The following STXBP5L variants were observed in gnomAD, a reference collection of about 807,000 sequenced individuals.
STXBP5L encodes the protein syntaxin-binding protein 5-like.
Under a neutral mutation model 144.5 loss-of-function variants are expected in STXBP5L, and 65 were observed. That is an observed-to-expected ratio of 0.45 (90% CI 0.37 to 0.55). The LOEUF (loss-of-function observed/expected upper bound fraction) is 0.55. Among genes scored for constraint, STXBP5L ranks in the 20% least tolerant of loss-of-function variants. The pLI, the probability that STXBP5L is intolerant of heterozygous loss-of-function variation, is 0.00. For missense variants in STXBP5L, 1,298 were observed against 1,405.5 expected, an observed-to-expected ratio of 0.92 and a Z score of 1.22; for synonymous variants, 505 against 469.6, an observed-to-expected ratio of 1.08 and a Z score of -0.97.
chr3:121,040,216 A>G lies in STXBP5L; in HGVS notation c.288-1484A>G, dbSNP rs1947053751. On this transcript the variant is annotated intron_variant, in intron 3 of 26. Transcript: ENST00000471454. ...GAGTGCTAAAGGTTTTCGTATTTCT[A>G]TAATTATCCTTGATCTTTGTTTAGT... 2.0e-5 allele frequency among the ~76,000 whole-genome samples: 3 copies of G among 152,028 alleles called. No individual in the cohort carries two copies. In the South Asian group the frequency reaches 6.2e-4, roughly 31 times the overall value.
chr3:121,266,621 G>A (rs939918191), intron 18 of STXBP5L, among the ~76,000 whole-genome samples: 3 of 152,126 alleles, frequency 2.0e-5, no homozygotes, highest in African/African-American at 7.2e-5. Context: ...TGGAAGTTCT[G>A]GCCAGGGCAA....
intron 20 of STXBP5L, among the ~76,000 whole-genome samples, chr3:121,378,245 G>T (rs2046240119): frequency 6.6e-6 from 1 of 152,076 alleles, no homozygotes; most frequent in African/African-American, 2.4e-5. Context: ...TAGAAGACAG[G>T]TTTATAGGTA....
chr3:120,972,959 G>A (rs1653715080), intron 3 of STXBP5L, among the ~76,000 whole-genome samples: 1 of 152,050 alleles, frequency 6.6e-6, no homozygotes, highest in African/African-American at 2.4e-5. Context: ...ATGTGCTGTT[G>A]AATTTGGTTT....
At position 121,067,509 on chromosome 3, in the gene STXBP5L, A is replaced by G. The variant is rs979370991; in HGVS notation, c.470+21974A>G. 5.3e-5 allele frequency among the ~76,000 whole-genome samples: 8 copies of G among 152,252 alleles called. No homozygotes were observed. The East Asian group carries it at 1.5e-3, about 29-fold the overall frequency. On this transcript the variant is annotated intron_variant, in intron 5 of 26. Transcript: ENST00000471454. ...ATAGTATATGGTTTTAGCTTCTTTGACATTTGTTGAGACTTGTTTTATGAT... is the reference window on the plus strand; with the variant it reads ...ATAGTATATGGTTTTAGCTTCTTTGGCATTTGTTGAGACTTGTTTTATGAT...
At chr3:121,022,135 A>G (rs1380643094) in intron 3 of STXBP5L, among the ~76,000 whole-genome samples, 1 of 152,152 alleles carries the variant, frequency 6.6e-6, no homozygotes, top group Non-Finnish European at 1.5e-5. Flanking sequence ...AGCTACTATG[A>G]ACACCTTTAT....
At chr3:120,989,011 C>T (rs914696773) in intron 3 of STXBP5L, among the ~76,000 whole-genome samples, 1 of 152,020 alleles carries the variant, frequency 6.6e-6, no homozygotes, top group African/African-American at 2.4e-5. Context: ...TTTTTTAAGG[C>T]CGAATAATAT....
intron 19 of STXBP5L, among the ~76,000 whole-genome samples, chr3:121,310,935 A>G (rs1213619086): frequency 6.6e-6 from 1 of 152,160 alleles, no homozygotes; most frequent in Admixed American, 6.6e-5. Context: ...CATTAAGCAA[A>G]TTAAAAGATA....
intron 3 of STXBP5L, among the ~76,000 whole-genome samples, chr3:120,995,321 T>G (rs1205861368): frequency 6.6e-6 from 1 of 152,046 alleles, no homozygotes; most frequent in Non-Finnish European, 1.5e-5. Flanking sequence ...CTAATTTTTT[T>G]ATTTTTTGTA....
At chr3:121,210,827 A>G (rs1339501492) in intron 10 of STXBP5L, among the ~76,000 whole-genome samples, 3 of 152,146 alleles carry the variant, frequency 2.0e-5, no homozygotes, top group Non-Finnish European at 4.4e-5. Context: ...TGTTTTGGTT[A>G]CTGTAGCCTT....
At chr3:121,171,224 C>A (rs2046702918) in intron 9 of STXBP5L, among the ~76,000 whole-genome samples, 1 of 152,102 alleles carries the variant, frequency 6.6e-6, no homozygotes, top group South Asian at 2.1e-4. Flanking sequence ...ATAATAAGAG[C>A]TATTTATAAC....
chr3:121,402,483 T>C (rs139316923), intron 22 of STXBP5L, among the ~76,000 whole-genome samples: 18 of 152,300 alleles, frequency 1.2e-4, no homozygotes, highest in Non-Finnish European at 2.2e-4. Flanking sequence ...TTTCTAACTT[T>C]AATTTCACAG....
chr3:121,037,880 G>C (rs1462392175), intron 3 of STXBP5L, among the ~76,000 whole-genome samples: 2 of 151,892 alleles, frequency 1.3e-5, no homozygotes, highest in East Asian at 3.9e-4. Context: ...TTCTCCTTGT[G>C]TAATTTATGT....
rs532911159 is a variant in STXBP5L, at chr3:121,394,735, G to C, written c.2588-12508G>C. ...TTCTCCTGCCTCAGCCTCCTGAGTA[G>C]CTGGGACTACAGGCGCCCGCCACCA... On this transcript the variant is annotated intron_variant, in intron 22 of 26. Transcript: ENST00000471454. Among the ~76,000 whole-genome samples the C allele has an allele frequency of 2.0e-5, 3 of 150,828 alleles. No homozygotes were observed. The East Asian group carries it at 5.9e-4, about 30-fold the overall frequency.
intron 7 of STXBP5L, among the ~76,000 whole-genome samples, chr3:121,144,348 A>G (rs2045634406): frequency 6.6e-6 from 1 of 151,842 alleles, no homozygotes; most frequent in Non-Finnish European, 1.5e-5. Flanking sequence ...CCACACACAC[A>G]AAGAATGCCT....
chr3:121,347,588 G>A (rs2045054486), intron 20 of STXBP5L, among the ~76,000 whole-genome samples: 1 of 152,164 alleles, frequency 6.6e-6, no homozygotes, highest in South Asian at 2.1e-4. Flanking sequence ...TCCTACCCAT[G>A]AGCATGGAAT....
intron 5 of STXBP5L, among the ~76,000 whole-genome samples, chr3:121,093,075 T>C (rs1576927281): frequency 6.6e-6 from 1 of 152,372 alleles, no homozygotes; most frequent in East Asian, 1.9e-4. Flanking sequence ...GGATTACATT[T>C]ATTGATTTGC....
chr3:121,094,670 G>A (rs957489771), intron 5 of STXBP5L, among the ~76,000 whole-genome samples: 3 of 152,044 alleles, frequency 2.0e-5, no homozygotes, highest in African/African-American at 7.3e-5. Context: ...GTGTGTCTCT[G>A]CACGTGAGAT....
intron 2 of STXBP5L, among the ~76,000 whole-genome samples, chr3:120,931,775 C>T (rs1709953162): frequency 6.6e-6 from 1 of 152,164 alleles, no homozygotes; most frequent in African/African-American, 2.4e-5. Flanking sequence ...AGTCAAACCA[C>T]AATCTCTGCA....
intron 22 of STXBP5L, among the ~76,000 whole-genome samples, chr3:121,388,403 G>T (rs535387379): frequency 6.6e-6 from 1 of 152,076 alleles, no homozygotes; most frequent in African/African-American, 2.4e-5. Flanking sequence ...TTCTCTTGCC[G>T]GATTGCCCTG....
Sources: allele counts gnomAD v4.1 joint callset (sites outside exome capture counted in the v4.1 genomes callset), GRCh38; gene constraint gnomAD v4.1.1; transcripts MANE v1.5; gene names NCBI Gene and HGNC (gene_info 2026-07-23, HGNC 2026-07-21).